The following AFF3 variants were observed in gnomAD, a reference collection of about 807,000 sequenced individuals.
The protein encoded by AFF3 is ALF transcription elongation factor 3.
AFF3 carries 32 observed loss-of-function variants against 129.7 expected under a neutral mutation model. That is an observed-to-expected ratio of 0.25 (90% CI 0.19 to 0.33). The LOEUF is 0.33. Among genes scored for constraint, AFF3 ranks in the 10% least tolerant of loss-of-function variants. The pLI is 1.00. For synonymous variants in AFF3, 644 were observed against 635.4 expected (o/e 1.01, Z -0.20); for missense variants, 1,373 against 1,592.0 (o/e 0.86, Z 2.34).
intron 7 of AFF3, among the ~76,000 whole-genome samples, chr2:99,897,552 C>G (rs1694063968): frequency 6.6e-6 from 1 of 152,166 alleles, no homozygotes. Context: ...TCACACTGAC[C>G]TCCCACTGCC....
chr2:99,653,317 A>T (rs1336606502), intron 12 of AFF3, among the ~76,000 whole-genome samples: 1 of 152,202 alleles, frequency 6.6e-6, no homozygotes, highest in African/African-American at 2.4e-5. Context: ...AACAGAAATC[A>T]TAAGAGGTGT....
intron 10 of AFF3, among the ~76,000 whole-genome samples, chr2:99,739,112 G>C (rs1680505169): frequency 6.6e-6 from 1 of 151,378 alleles, no homozygotes; most frequent in Admixed American, 6.6e-5. Flanking sequence ...CGTGAGGATG[G>C]GGGTGGAGGG....
In AFF3 at chr2:99,725,056, C is replaced by T. The variant is rs533327855; in HGVS notation, c.1091+2021G>A. On this transcript the variant is annotated intron_variant, in intron 11 of 24. Coordinates refer to ENST00000672756, the MANE Select transcript of AFF3 (RefSeq NM_001386135.1). Reference sequence around the variant, plus strand: ...TGCGATCTCTGCTCACTGCAACCTCCGCCTCCCGGGTTCAAGTGATTCTCC... The same window carrying T: ...TGCGATCTCTGCTCACTGCAACCTCTGCCTCCCGGGTTCAAGTGATTCTCC... Among the ~76,000 whole-genome samples, 7 of 151,542 alleles carry T rather than the reference C, an allele frequency of 4.6e-5. No homozygotes were observed. In the South Asian group the frequency reaches 6.3e-4, roughly 14 times the overall value.
At chr2:99,787,716 C>G (rs1684906424) in intron 8 of AFF3, among the ~76,000 whole-genome samples, 1 of 152,070 alleles carries the variant, frequency 6.6e-6, no homozygotes, top group Non-Finnish European at 1.5e-5. Flanking sequence ...TTTGGCTGAG[C>G]AGGGAGAAGA....
chr2:99,812,684 T>G lies in AFF3; in HGVS notation c.921+24793A>C, dbSNP rs1311332941. Among the ~76,000 whole-genome samples the G allele has an allele frequency of 2.0e-5, 3 of 152,366 alleles. No individual in the cohort carries two copies. In the South Asian group the frequency reaches 6.2e-4, roughly 32 times the overall value. ...ATTGCAGTTCCTATTAACGGCACTA[T>G]GAATAATAATCGGTTTACTTTCTGA... On this transcript the variant is annotated intron_variant, in intron 8 of 24. Transcript: ENST00000672756.
chr2:99,983,715 T>C (rs1180187082), intron 7 of AFF3, among the ~76,000 whole-genome samples: 2 of 152,192 alleles, frequency 1.3e-5, no homozygotes, highest in African/African-American at 4.8e-5. Context: ...GAGGCTTTAA[T>C]GGACTGAGTT....
intron 9 of AFF3, among the ~76,000 whole-genome samples, chr2:99,749,284 A>G (rs997278429): frequency 5.9e-5 from 9 of 152,206 alleles, no homozygotes; most frequent in African/African-American, 2.2e-4. Flanking sequence ...TTTGTCAATT[A>G]CACCTCAATA....
chr2:99,669,133 A>G (rs1480874143), intron 12 of AFF3, among the ~76,000 whole-genome samples: 1 of 152,206 alleles, frequency 6.6e-6, no homozygotes, highest in Non-Finnish European at 1.5e-5. Context: ...AAAGTTGAAC[A>G]TGCACATACC....
chr2:99,870,720 G>T (rs1044752227), intron 7 of AFF3, among the ~76,000 whole-genome samples: 5 of 152,100 alleles, frequency 3.3e-5, no homozygotes, highest in African/African-American at 9.7e-5. Flanking sequence ...TTAAGCTGTG[G>T]AAAAAGTGCA....
chr2:99,613,031 C>A (rs150036541), intron 13 of AFF3, among the ~76,000 whole-genome samples: 5 of 152,306 alleles, frequency 3.3e-5, no homozygotes, highest in Admixed American at 3.3e-4. Flanking sequence ...TTTCAAAATT[C>A]TCATTTTCTT....
intron 4 of AFF3, among the ~76,000 whole-genome samples, chr2:100,054,857 C>T (rs758632795): frequency 6.6e-6 from 1 of 152,198 alleles, no homozygotes; most frequent in East Asian, 1.9e-4. Context: ...GCTCTAAGGG[C>T]AGTGGAGGTC....
At chr2:99,960,130 C>T (rs1185630350) in intron 7 of AFF3, among the ~76,000 whole-genome samples, 1 of 152,074 alleles carries the variant, frequency 6.6e-6, no homozygotes, top group East Asian at 1.9e-4. Context: ...TATTTGCTTA[C>T]CTGCTACTTA....
At chr2:100,032,233 C>T (rs1188500165) in intron 4 of AFF3, among the ~76,000 whole-genome samples, 1 of 152,038 alleles carries the variant, frequency 6.6e-6, no homozygotes. Flanking sequence ...CAAGACCATC[C>T]CAGCCAACAT....
intron 7 of AFF3, among the ~76,000 whole-genome samples, chr2:99,992,779 T>C (rs894677910): frequency 6.6e-6 from 1 of 152,212 alleles, no homozygotes; most frequent in African/African-American, 2.4e-5. Context: ...GTAAGTGAGA[T>C]AAACCCTTAA....
chr2:99,838,870 CCT>C (rs1322453583), intron 7 of AFF3, among the ~76,000 whole-genome samples: 16 of 152,186 alleles, frequency 1.1e-4, no homozygotes, highest in African/African-American at 3.9e-4. Context: ...CTCTCCATGC[CCT>C]GTGTCTGCCA....
chr2:99,985,132 T>C (rs1381235996), intron 7 of AFF3, among the ~76,000 whole-genome samples: 1 of 152,206 alleles, frequency 6.6e-6, no homozygotes, highest in South Asian at 2.1e-4. Context: ...ATACTGGAAA[T>C]TGTGTACTGG....
At chr2:99,678,723 C>T (rs913511064) in intron 11 of AFF3, among the ~76,000 whole-genome samples, 1 of 152,236 alleles carries the variant, frequency 6.6e-6, no homozygotes, top group African/African-American at 2.4e-5. Flanking sequence ...CTCCATTAAA[C>T]ATATTCATAT....
rs538472201 is a variant in AFF3, at chr2:100,063,081, T to C, written c.53+41321A>G. On this transcript the variant is annotated intron_variant, in intron 4 of 24. Coordinates refer to ENST00000672756, the MANE Select transcript of AFF3 (RefSeq NM_001386135.1). ...GCCTGGCCAACATGGTGAAACCCCG[T>C]CTCTACTAAAAATACAAAAATTAGC... Among the ~76,000 whole-genome samples the C allele has an allele frequency of 2.0e-3, 297 of 152,010 alleles. 5 individuals carry two copies. The highest frequency in any genetic ancestry group is 6.9e-3 in the African/African-American group (287 of 41,432).
At chr2:99,777,401 A>C (rs1683989522) in intron 8 of AFF3, among the ~76,000 whole-genome samples, 1 of 151,800 alleles carries the variant, frequency 6.6e-6, no homozygotes, top group Non-Finnish European at 1.5e-5. Context: ...GGCTGGCGCA[A>C]CTCTGAAGTG....
Sources: gnomAD v4.1 joint callset for allele counts (sites outside exome capture counted in the v4.1 genomes callset) on GRCh38, gnomAD v4.1.1 for gene constraint, MANE v1.5 for transcripts, NCBI Gene and HGNC (gene_info 2026-07-23, HGNC 2026-07-21) for gene names.